The following MARCHF3 variants were observed in gnomAD, a reference collection of about 807,000 sequenced individuals.
MARCHF3 encodes the protein E3 ubiquitin-protein ligase MARCHF3.
In MARCHF3, 13 loss-of-function variants were observed where a neutral mutation model predicts 24.2. That is an observed-to-expected ratio of 0.54 (90% CI 0.35 to 0.85). The LOEUF (loss-of-function observed/expected upper bound fraction) is 0.85. MARCHF3 is among the 40% of genes least tolerant of loss of function. MARCHF3 has a pLI of 0.01. For synonymous variants in MARCHF3, 144 were observed against 137.3 expected (o/e 1.05, Z -0.34); for missense variants, 276 against 325.0 (o/e 0.85, Z 1.16).
chr5:127,024,708 A>G (rs1752937963), intron 1 of MARCHF3, among the ~76,000 whole-genome samples: 1 of 152,194 alleles, frequency 6.6e-6, no homozygotes, highest in East Asian at 1.9e-4. Flanking sequence ...AGATAAGTCT[A>G]TCTATTTTAG....
chr5:126,870,394 TAAAC>T lies in MARCHF3; in HGVS notation c.*235_*238del. 1 of 426,044 alleles carries T rather than the reference TAAAC, an allele frequency of 2.3e-6. No individual in the cohort carries two copies. The highest frequency in any genetic ancestry group is 4.3e-6 in the Non-Finnish European group (1 of 234,474). 26.4% of individuals were successfully genotyped at this position (426,044 alleles called of 1,614,324 possible). On this transcript the variant is annotated 3_prime_UTR_variant, in exon 5 of 5. Coordinates refer to ENST00000308660, the MANE Select transcript of MARCHF3 (RefSeq NM_178450.5). ...AAAATTCCATACAGTATCTGCTAAA[TAAAC>T]ATGTTTGGCAGCTTAGCAAATATCA...
intron 4 of MARCHF3, among the ~76,000 whole-genome samples, chr5:126,873,327 G>A (rs761012698): frequency 3.6e-4 from 55 of 151,638 alleles, no homozygotes; most frequent in Non-Finnish European, 3.5e-4. Context: ...ATACATTTTA[G>A]TGTTCTTGGG....
At chr5:127,009,932 G>A (rs1202553949) in intron 1 of MARCHF3, among the ~76,000 whole-genome samples, 1 of 152,132 alleles carries the variant, frequency 6.6e-6, no homozygotes, top group Admixed American at 6.6e-5. Context: ...CCTACAAGAA[G>A]GAATAATAAA....
intron 3 of MARCHF3, among the ~76,000 whole-genome samples, chr5:126,913,661 A>C (rs2126791442): frequency 6.6e-6 from 1 of 152,380 alleles, no homozygotes; most frequent in Non-Finnish European, 1.5e-5. Flanking sequence ...CCATTTGGCA[A>C]GTAAGTCATA....
intron 1 of MARCHF3, among the ~76,000 whole-genome samples, chr5:126,951,112 C>T (rs1750215447): frequency 1.3e-5 from 2 of 152,234 alleles, no homozygotes; most frequent in African/African-American, 4.8e-5. Flanking sequence ...CTAAATCCAA[C>T]AGTCCTCATC....
chr5:126,900,260 T>C (rs779715581), intron 3 of MARCHF3, among the ~76,000 whole-genome samples: 1 of 152,096 alleles, frequency 6.6e-6, no homozygotes, highest in Non-Finnish European at 1.5e-5. Context: ...AGAAAGTACT[T>C]TAGAGCCAGG....
chr5:126,991,200 A>T (rs533435199), intron 1 of MARCHF3, among the ~76,000 whole-genome samples: 74 of 152,390 alleles, frequency 4.9e-4, no homozygotes, highest in South Asian at 1.2e-3. Context: ...CATATACACC[A>T]TGGAATACTA....
chr5:126,895,001 G>A (rs1753824989), intron 3 of MARCHF3, among the ~76,000 whole-genome samples: 1 of 152,064 alleles, frequency 6.6e-6, no homozygotes, highest in Non-Finnish European at 1.5e-5. Context: ...TGGAGGCTTT[G>A]CTTCTTTCTT....
intron 3 of MARCHF3, among the ~76,000 whole-genome samples, chr5:126,879,515 A>T (rs1753280528): frequency 6.6e-6 from 1 of 152,220 alleles, no homozygotes; most frequent in East Asian, 1.9e-4. Context: ...AGGATGGGGA[A>T]AACCTCATGC....
intron 4 of MARCHF3, among the ~76,000 whole-genome samples, chr5:126,872,452 G>A (rs1173204202): frequency 1.3e-5 from 2 of 152,136 alleles, no homozygotes; most frequent in African/African-American, 2.4e-5. Flanking sequence ...TTGATGGACC[G>A]TCCAAGAAAT....
chr5:126,983,400 C>T (rs991374302), intron 1 of MARCHF3, among the ~76,000 whole-genome samples: 1 of 152,150 alleles, frequency 6.6e-6, no homozygotes, highest in Non-Finnish European at 1.5e-5. Context: ...TCTTTGAGGC[C>T]ACAGACTGGT....
At chr5:126,888,160 G>A (rs986434757) in intron 3 of MARCHF3, among the ~76,000 whole-genome samples, 6 of 152,170 alleles carry the variant, frequency 3.9e-5, no homozygotes, top group African/African-American at 1.2e-4. Context: ...AAGACCATTT[G>A]CTTGGACTCT....
intron 3 of MARCHF3, among the ~76,000 whole-genome samples, chr5:126,891,229 T>G (rs1753677665): frequency 1.3e-5 from 2 of 151,988 alleles, no homozygotes; most frequent in Middle Eastern, 3.4e-3. Flanking sequence ...TTTCTCCCAT[T>G]CTGTAGGTTA....
At chr5:126,983,311 C>T (rs533968305) in intron 1 of MARCHF3, among the ~76,000 whole-genome samples, 2 of 152,218 alleles carry the variant, frequency 1.3e-5, no homozygotes, top group Admixed American at 6.5e-5. Context: ...GGTGGGCAGG[C>T]GATCTGGTGG....
intron 1 of MARCHF3, among the ~76,000 whole-genome samples, chr5:126,995,483 C>T (rs1348295035): frequency 1.3e-5 from 2 of 152,150 alleles, no homozygotes; most frequent in African/African-American, 4.8e-5. Flanking sequence ...TTAAAGCCTG[C>T]CATGTGTGTT....
intron 1 of MARCHF3, among the ~76,000 whole-genome samples, chr5:127,023,615 C>A (rs1177249299): frequency 6.6e-6 from 1 of 151,626 alleles, no homozygotes; most frequent in Non-Finnish European, 1.5e-5. Context: ...GCGTGTAATC[C>A]CAGCTACTCG....
At chr5:126,931,456 T>C (rs969220714) in intron 1 of MARCHF3, among the ~76,000 whole-genome samples, 1 of 152,100 alleles carries the variant, frequency 6.6e-6, no homozygotes, top group African/African-American at 2.4e-5. Context: ...TAGTAAATGG[T>C]TCTGTGCTAG....
At chr5:127,019,117 T>C (rs1229072822) in intron 1 of MARCHF3, among the ~76,000 whole-genome samples, 1 of 152,234 alleles carries the variant, frequency 6.6e-6, no homozygotes, top group African/African-American at 2.4e-5. Flanking sequence ...AGATATAAAT[T>C]AGTACATTCA....
intron 1 of MARCHF3, among the ~76,000 whole-genome samples, chr5:127,013,574 A>T (rs2126858759): frequency 6.6e-6 from 1 of 152,300 alleles, no homozygotes; most frequent in African/African-American, 2.4e-5. Flanking sequence ...GATCCCTGCC[A>T]GGATCCGTAA....
Sources: allele counts gnomAD v4.1 joint callset (sites outside exome capture counted in the v4.1 genomes callset), GRCh38; gene constraint gnomAD v4.1.1; transcripts MANE v1.5; gene names NCBI Gene and HGNC (gene_info 2026-07-23, HGNC 2026-07-21).